Variants in LDB2 observed in about 807,000 individuals in gnomAD.
LDB2 encodes LIM domain-binding protein 2.
LDB2 carries 12 observed loss-of-function variants against 44.3 expected under a neutral mutation model. The observed-to-expected ratio is 0.27, with a 90% CI of 0.17 to 0.44. The LOEUF is 0.44. LDB2 is among the 20% of genes least tolerant of loss of function. The pLI is 1.00. For missense variants in LDB2, 344 were observed against 473.5 expected (o/e 0.73, Z 2.54); for synonymous variants, 164 against 174.8 (o/e 0.94, Z 0.49).
At chr4:16,722,998 T>C (rs1342125123) in intron 2 of LDB2, among the ~76,000 whole-genome samples, 1 of 152,126 alleles carries the variant, frequency 6.6e-6, no homozygotes, top group Non-Finnish European at 1.5e-5. Context: ...AAATTGAAAG[T>C]GTATTTTTGG....
chr4:16,716,409 T>C (rs1325536106), intron 2 of LDB2, among the ~76,000 whole-genome samples: 1 of 152,186 alleles, frequency 6.6e-6, no homozygotes, highest in African/African-American at 2.4e-5. Flanking sequence ...CTGTGTATTT[T>C]AAGCCTGGAG....
At chr4:16,611,249 C>T (rs1213222360) in intron 2 of LDB2, among the ~76,000 whole-genome samples, 2 of 152,146 alleles carry the variant, frequency 1.3e-5, no homozygotes, top group Non-Finnish European at 2.9e-5. Flanking sequence ...CAGTACCAGC[C>T]ACTGCGAAAA....
intron 1 of LDB2, among the ~76,000 whole-genome samples, chr4:16,884,685 C>G (rs998775682): frequency 6.6e-6 from 1 of 152,192 alleles, no homozygotes; most frequent in Non-Finnish European, 1.5e-5. Context: ...AAGGACTCTG[C>G]CCTCTTCGTC....
chr4:16,864,315 GA>G (rs1398888247), intron 1 of LDB2, among the ~76,000 whole-genome samples: 1 of 151,990 alleles, frequency 6.6e-6, no homozygotes, highest in Non-Finnish European at 1.5e-5. Flanking sequence ...CAAACACAGG[GA>G]AAAATCAAAG....
chr4:16,516,161 A>G (rs1267033393), intron 5 of LDB2, among the ~76,000 whole-genome samples: 6 of 152,062 alleles, frequency 3.9e-5, no homozygotes, highest in African/African-American at 1.2e-4. Context: ...CACCACGCCC[A>G]GCCTAGGTAT....
chr4:16,829,815 AAC>A (rs1468723553), intron 1 of LDB2, among the ~76,000 whole-genome samples: 1 of 152,154 alleles, frequency 6.6e-6, no homozygotes, highest in Non-Finnish European at 1.5e-5. Flanking sequence ...TCACTCGAAA[AAC>A]ACACACAGGC....
chr4:16,833,349 T>C (rs1043359612), intron 1 of LDB2, among the ~76,000 whole-genome samples: 9 of 152,214 alleles, frequency 5.9e-5, no homozygotes, highest in Admixed American at 3.3e-4. Flanking sequence ...TTTCTTAATA[T>C]TGGTGTCCTT....
rs1473792618 is a variant in LDB2, at chr4:16,501,778, A to C, written c.*865T>G. ...AGCTTTACAAAATATCATACAAGAA[A>C]TATACTATAAAAAGAAAGGATGGTC... is the stretch of plus-strand genomic sequence containing the variant. On this transcript the variant is annotated 3_prime_UTR_variant, in exon 8 of 8. Coordinates refer to ENST00000304523, the MANE Select transcript of LDB2 (RefSeq NM_001290.5). 6.6e-6 allele frequency: 1 copy of C among 152,656 alleles called. No homozygotes were observed. The highest frequency in any genetic ancestry group is 6.5e-5 in the Admixed American group (1 of 15,280). The allele number at this position is 152,656 out of a possible 1,614,324, so 9.5% of individuals were successfully genotyped here.
At chr4:16,759,475 A>T in intron 1 of LDB2, 2 of 490,528 alleles carry the variant, frequency 4.1e-6, no homozygotes, top group Non-Finnish European at 3.6e-6. Flanking sequence ...AGCTCAAACC[A>T]ATCGAATAAA....
chr4:16,551,702 G>C (rs116594206), intron 5 of LDB2, among the ~76,000 whole-genome samples: 1,585 of 152,128 alleles, frequency 0.01, 33 homozygotes, highest in African/African-American at 0.037. Flanking sequence ...ATTTTTAATA[G>C]AGAGGAGTTC....
chr4:16,846,497 T>A, intron 1 of LDB2, among the ~76,000 whole-genome samples: 1 of 152,344 alleles, frequency 6.6e-6, no homozygotes, highest in African/African-American at 2.4e-5. Context: ...TATCTATATA[T>A]TTTTTATGGC....
intron 5 of LDB2, among the ~76,000 whole-genome samples, chr4:16,536,087 A>C (rs1327756815): frequency 1.3e-5 from 2 of 152,222 alleles, no homozygotes; most frequent in African/African-American, 4.8e-5. Context: ...ACTAGGCCAC[A>C]AACGGTAAGG....
intron 1 of LDB2, among the ~76,000 whole-genome samples, chr4:16,759,665 C>T (rs1049842416): frequency 2.0e-5 from 3 of 152,096 alleles, no homozygotes; most frequent in African/African-American, 7.2e-5. Context: ...ATATTACAAC[C>T]AGGTTAAACA....
chr4:16,541,647 A>G (rs1733821716), intron 5 of LDB2, among the ~76,000 whole-genome samples: 1 of 152,194 alleles, frequency 6.6e-6, no homozygotes, highest in Admixed American at 6.5e-5. Context: ...AACATTTGCA[A>G]CTCATAACAT....
intron 2 of LDB2, among the ~76,000 whole-genome samples, chr4:16,693,387 T>G (rs916106917): frequency 1.4e-5 from 2 of 145,114 alleles, no homozygotes; most frequent in African/African-American, 5.3e-5. Flanking sequence ...ATTCTTGCCC[T>G]GTTGCCCAGG....
At chr4:16,795,289 A>G (rs1046287534) in intron 1 of LDB2, among the ~76,000 whole-genome samples, 11 of 152,202 alleles carry the variant, frequency 7.2e-5, no homozygotes, top group African/African-American at 2.7e-4. Context: ...GACGGCAGTT[A>G]AAGAGTCCAT....
intron 5 of LDB2, among the ~76,000 whole-genome samples, chr4:16,578,797 A>C (rs1356524609): frequency 6.6e-6 from 1 of 152,224 alleles, no homozygotes; most frequent in Admixed American, 6.5e-5. Context: ...GGAGCAACTT[A>C]ACTGTCAACA....
intron 1 of LDB2, among the ~76,000 whole-genome samples, chr4:16,761,277 G>A (rs984189556): frequency 2.6e-5 from 4 of 152,120 alleles, no homozygotes; most frequent in East Asian, 3.9e-4. Flanking sequence ...GGACACCCCC[G>A]ACCTACCCAT....
chr4:16,814,432 A>G (rs1278170819), intron 1 of LDB2, among the ~76,000 whole-genome samples: 1 of 152,202 alleles, frequency 6.6e-6, no homozygotes, highest in Admixed American at 6.5e-5. Context: ...TAGAGACTGC[A>G]ATTGAATAAA....
Sources: allele counts gnomAD v4.1 joint callset (sites outside exome capture counted in the v4.1 genomes callset), GRCh38; gene constraint gnomAD v4.1.1; transcripts MANE v1.5; gene names NCBI Gene and HGNC (gene_info 2026-07-23, HGNC 2026-07-21).